OR4C16: variants seen among roughly 807,000 people sequenced by gnomAD.
OR4C16 encodes the protein olfactory receptor 4C16.
In OR4C16, 24 loss-of-function variants were observed where a neutral mutation model predicts 14.4. The ratio of observed to expected loss-of-function variants is 1.66; its 90% CI spans 1.21 to 2.34. The LOEUF is 2.34. OR4C16 is among the 30% of genes most tolerant of loss of function. The pLI is 0.00. For synonymous variants in OR4C16, 233 were observed against 133.5 expected (o/e 1.75, Z -5.14); for missense variants, 674 against 364.2 (o/e 1.85, Z -6.92).
At position 55,573,016 on chromosome 11, in the gene OR4C16, A is replaced by G. The variant is rs780396479; in HGVS notation, c.889A>G (p.Arg297Gly). 2 of 1,587,124 alleles carry G rather than the reference A, an allele frequency of 1.3e-6. No homozygotes were observed. Among genetic ancestry groups the G allele is most frequent in the East Asian group, 4.5e-5 (2 of 44,448 alleles). ...GAATACAGAAGTGAAAAGTGCCATGAGGAAGCTTTGGAGCAAGAAATTGAT... is the reference window on the plus strand; with the variant it reads ...GAATACAGAAGTGAAAAGTGCCATGGGGAAGCTTTGGAGCAAGAAATTGAT... ...LKNTEVKSAM[R>G]KLWSKKLITD... The change falls in exon 1 of 1, where the codon AGG becomes GGG. Residue 297 changes from arginine to glycine, a missense_variant. By Grantham distance (125) the Arg-to-Gly change is moderately radical. Coordinates refer to ENST00000623907, the MANE Select transcript of OR4C16 (RefSeq NM_001004701.2).
rs1301272185 is a variant in OR4C16, at chr11:55,572,536, T to A, written c.409T>A (p.Trp137Arg). The A allele has an allele frequency of 1.2e-6, 2 of 1,614,056 alleles. No homozygotes were observed. The highest frequency in any genetic ancestry group is 1.7e-5 in the Admixed American group (1 of 60,012). The change falls in exon 1 of 1, where the codon TGG (tryptophan) becomes AGG (arginine). Residue 137 changes from tryptophan (W) to arginine (R), a missense_variant. By Grantham distance (101) the Trp-to-Arg change is moderately radical. Transcript: ENST00000623907. ...PLHYMTIISQ[W>R]VCGVLMAVAW... The stretch of plus-strand genomic sequence containing the variant: ...GCACTACATGACCATCATAAGCCAG[T>A]GGGTCTGTGGTGTTTTGATGGCTGT...
At position 55,572,395 on chromosome 11, in the gene OR4C16, A is replaced by G. The variant is rs762745633; in HGVS notation, c.268A>G (p.Ile90Val). 4 of 1,613,846 alleles carry G rather than the reference A, an allele frequency of 2.5e-6. No homozygotes were observed. The South Asian group carries it at 4.4e-5, about 18-fold the overall frequency. ...GGATGCCCTTTTGAAGAAGACAACTATCTCCTTCAGCGAGTGCATGATCCA... is the reference window on the plus strand; with the variant it reads ...GGATGCCCTTTTGAAGAAGACAACTGTCTCCTTCAGCGAGTGCATGATCCA... ...IVDALLKKTTISFSECMIQVF... is the reference protein window; with the variant it reads ...IVDALLKKTTVSFSECMIQVF... The change falls in exon 1 of 1, where the codon ATC (isoleucine) becomes GTC (valine). Residue 90 changes from isoleucine to valine, a missense_variant. Transcript: ENST00000623907.
chr11:55,572,897 C>G lies in OR4C16; in HGVS notation c.770C>G (p.Thr257Arg). The G allele has an allele frequency of 6.2e-7, 1 of 1,613,754 alleles. No individual in the cohort carries two copies. Among genetic ancestry groups the G allele is most frequent in the South Asian group, 1.1e-5 (1 of 91,064 alleles). The change falls in exon 1 of 1, where the codon ACA becomes AGA. Residue 257 changes from threonine to arginine, a missense_variant. Coordinates refer to ENST00000623907, the MANE Select transcript of OR4C16 (RefSeq NM_001004701.2). ...TTTGGACCTTGCATATTTATGTACA[C>G]ATGCCTTGCAACCGTATTCCCCATG... ...LFFGPCIFMY[T>R]CLATVFPMDK...
In OR4C16 at chr11:55,572,632, C is replaced by A. The variant is rs1857400524; in HGVS notation, c.505C>A (p.Pro169Thr). The stretch of plus-strand genomic sequence containing the variant: ...TGCCCTGAGTTTGCCATTCTGTGGC[C>A]CCAATGTGATCAATCACTGTTTCTG... ...FLALSLPFCG[P>T]NVINHCFCDL... Residue 169 changes from proline to threonine, a missense_variant, in exon 1 of 1, where the codon CCC becomes ACC. Physicochemically the swap from Pro to Thr is conservative, Grantham distance 38 (BLOSUM62 -1). Transcript: ENST00000623907. 1 of 1,613,996 alleles carries A rather than the reference C, an allele frequency of 6.2e-7. No homozygotes were observed. The highest frequency in any genetic ancestry group is 8.5e-7 in the Non-Finnish European group (1 of 1,180,016).
chr11:55,572,428 T>C lies in OR4C16; in HGVS notation c.301T>C (p.Ser101Pro), dbSNP rs769325547. The change falls in exon 1 of 1, where the codon TCA becomes CCA. Residue 101 changes from serine (S) to proline (P), a missense_variant. Physicochemically the swap from Ser to Pro is moderately conservative, Grantham distance 74. Coordinates refer to ENST00000623907, the MANE Select transcript of OR4C16 (RefSeq NM_001004701.2). ...CAGCGAGTGCATGATCCAAGTCTTT[T>C]CATCCCATGTCTTTGGCTGCCTGGA... ...SFSECMIQVF[S>P]SHVFGCLEIF... 3.1e-6 allele frequency: 5 copies of C among 1,614,056 alleles called. No homozygotes were observed. The East Asian group carries it at 6.7e-5, about 22-fold the overall frequency.
Position 55,572,918 on chromosome 11 carries a change from C to A in OR4C16, c.791C>A (p.Pro264His). ...FMYTCLATVF[P>H]MDKMIAVFYT... ...TACACATGCCTTGCAACCGTATTCC[C>A]CATGGATAAGATGATAGCTGTATTT... Residue 264 changes from proline to histidine, a missense_variant, in exon 1 of 1, where the codon CCC (proline) becomes CAC (histidine). Transcript: ENST00000623907. 1 of 1,613,474 alleles carries A rather than the reference C, an allele frequency of 6.2e-7. No homozygotes were observed. Among genetic ancestry groups the A allele is most frequent in the African/African-American group, 1.3e-5 (1 of 75,020 alleles).
Position 55,572,469 on chromosome 11 carries a change from C to G in OR4C16, c.342C>G (p.Ile114Met), listed in dbSNP as rs1457615865. Residue 114 changes from isoleucine to methionine, a missense_variant, in exon 1 of 1, where the codon ATC becomes ATG. Transcript: ENST00000623907. ...GCTGCCTGGAGATCTTCATCCTCAT[C>G]CTCACGGCTGTTGACCGCTATGTGG... is the stretch of plus-strand genomic sequence containing the variant. Reference protein sequence around the residue: ...VFGCLEIFILILTAVDRYVDI... With the variant: ...VFGCLEIFILMLTAVDRYVDI... The G allele has an allele frequency of 1.9e-6, 3 of 1,613,928 alleles. No homozygotes were observed. The East Asian group carries it at 6.7e-5, about 36-fold the overall frequency.
chr11:55,573,019 A>G lies in OR4C16; in HGVS notation c.892A>G (p.Lys298Glu). 1 of 1,584,384 alleles carries G rather than the reference A, an allele frequency of 6.3e-7. No individual in the cohort carries two copies. Among genetic ancestry groups the G allele is most frequent in the Non-Finnish European group, 8.6e-7 (1 of 1,163,148 alleles). The change falls in exon 1 of 1, where the codon AAG becomes GAG. Residue 298 changes from lysine (K) to glutamate (E), a missense_variant. Transcript: ENST00000623907. ...TACAGAAGTGAAAAGTGCCATGAGG[A>G]AGCTTTGGAGCAAGAAATTGATCAC... Reference protein sequence around the residue: ...KNTEVKSAMRKLWSKKLITDD... With the variant: ...KNTEVKSAMRELWSKKLITDD...
Position 55,572,355 on chromosome 11 carries a change from C to T in OR4C16, c.228C>T (p.Thr76=), listed in dbSNP as rs760011000. The change falls in exon 1 of 1, where the codon ACC becomes ACT. Residue 76 remains threonine, a synonymous_variant. Coordinates refer to ENST00000623907, the MANE Select transcript of OR4C16 (RefSeq NM_001004701.2). ...ATACTTGCCTCTCTACTTCCATAACCCCTAGAATGATTGTGGATGCCCTTT... is the reference window on the plus strand; with the variant it reads ...ATACTTGCCTCTCTACTTCCATAACTCCTAGAATGATTGTGGATGCCCTTT... The part of the protein sequence containing the change: ...LSDTCLSTSI[T]PRMIVDALLK... 1.9e-6 allele frequency: 3 copies of T among 1,612,956 alleles called. No individual in the cohort carries two copies. Among genetic ancestry groups the T allele is most frequent in the Non-Finnish European group, 2.5e-6 (3 of 1,179,132 alleles).
At position 55,572,539 on chromosome 11, in the gene OR4C16, G is replaced by A. The variant is rs763501264; in HGVS notation, c.412G>A (p.Val138Ile). ...CTACATGACCATCATAAGCCAGTGG[G>A]TCTGTGGTGTTTTGATGGCTGTGGC... ...LHYMTIISQW[V>I]CGVLMAVAWV... The change falls in exon 1 of 1, where the codon GTC becomes ATC. Residue 138 changes from valine to isoleucine, a missense_variant. Physicochemically the swap from Val to Ile is conservative, Grantham distance 29. Transcript: ENST00000623907. 2 of 1,614,116 alleles carry A rather than the reference G, an allele frequency of 1.2e-6. No homozygotes were observed. Among genetic ancestry groups the A allele is most frequent in the Non-Finnish European group, 1.7e-6 (2 of 1,180,014 alleles).
chr11:55,572,447 G>T lies in OR4C16; in HGVS notation c.320G>T (p.Cys107Phe). The T allele has an allele frequency of 4.3e-6, 7 of 1,614,044 alleles. No homozygotes were observed. Among genetic ancestry groups the T allele is most frequent in the Non-Finnish European group, 5.9e-6 (7 of 1,179,996 alleles). Residue 107 changes from cysteine (C) to phenylalanine (F), a missense_variant, in exon 1 of 1, where the codon TGC becomes TTC. Transcript: ENST00000623907. ...GTCTTTTCATCCCATGTCTTTGGCTGCCTGGAGATCTTCATCCTCATCCTC... is the reference window on the plus strand; with the variant it reads ...GTCTTTTCATCCCATGTCTTTGGCTTCCTGGAGATCTTCATCCTCATCCTC... ...IQVFSSHVFGCLEIFILILTA... is the reference protein window; with the variant it reads ...IQVFSSHVFGFLEIFILILTA...
Position 55,572,206 on chromosome 11 carries a change from G to T in OR4C16, c.79G>T (p.Val27Phe). 1.2e-6 allele frequency: 2 copies of T among 1,611,548 alleles called. No individual in the cohort carries two copies. The highest frequency in any genetic ancestry group is 1.7e-6 in the Non-Finnish European group (2 of 1,177,980). The change falls in exon 1 of 1, where the codon GTT becomes TTT. Residue 27 changes from valine (V) to phenylalanine (F), a missense_variant. Val to Phe is a conservative substitution (Grantham distance 50). Coordinates refer to ENST00000623907, the MANE Select transcript of OR4C16 (RefSeq NM_001004701.2). ...TCCTTTTTGGAAGAAAATAGTGTTT[G>T]TTATTTTTTTGCGTCTCTACTTGGG... ...QDPFWKKIVF[V>F]IFLRLYLGTL... is the part of the protein sequence containing the mutation.
In OR4C16 at chr11:55,572,697, C is replaced by G. The variant is rs769009707; in HGVS notation, c.570C>G (p.Thr190=). The G allele has an allele frequency of 8.1e-6, 13 of 1,613,786 alleles. No individual in the cohort carries two copies. The highest frequency in any genetic ancestry group is 1.7e-5 in the Admixed American group (1 of 59,992). The change falls in exon 1 of 1, where the codon ACC becomes ACG. Residue 190 remains threonine (T), a synonymous_variant. Coordinates refer to ENST00000623907, the MANE Select transcript of OR4C16 (RefSeq NM_001004701.2). ...QPLLKQACSE[T]YVVNLLLVSN... The stretch of plus-strand genomic sequence containing the variant: ...TGTTGAAACAAGCCTGTTCAGAAAC[C>G]TATGTGGTTAACCTACTCCTGGTTT...
Position 55,573,010 on chromosome 11 carries a change from GC to G in OR4C16, c.885del (p.Met296Ter), listed in dbSNP as rs1339097606. ...YTLKNTEVKS[A>X]MRKLWSKKLI... is the part of the protein sequence containing the mutation. ...GCTGAAGAATACAGAAGTGAAAAGTGCCATGAGGAAGCTTTGGAGCAAGAAA... is the reference window on the plus strand; with the variant it reads ...GCTGAAGAATACAGAAGTGAAAAGTGCATGAGGAAGCTTTGGAGCAAGAAA... On this transcript the variant is annotated frameshift_variant, in exon 1 of 1. Transcript: ENST00000623907. LOFTEE classifies it high-confidence loss of function. 3 of 1,589,828 alleles carry G rather than the reference GC, an allele frequency of 1.9e-6. No homozygotes were observed. Among genetic ancestry groups the G allele is most frequent in the Non-Finnish European group, 2.6e-6 (3 of 1,166,478 alleles).
At position 55,572,960 on chromosome 11, in the gene OR4C16, C is replaced by T. The variant is rs747625052; in HGVS notation, c.833C>T (p.Ser278Phe). The T allele has an allele frequency of 1.2e-5, 19 of 1,612,840 alleles. No homozygotes were observed. The highest frequency in any genetic ancestry group is 1.4e-5 in the Non-Finnish European group (17 of 1,179,520). ...GCTGTATTTTATACAGTTGGAACAT[C>T]TTTTCTCAACCCTGTGATTTACACG... is the stretch of plus-strand genomic sequence containing the variant. ...MIAVFYTVGT[S>F]FLNPVIYTLK... Residue 278 changes from serine to phenylalanine, a missense_variant, in exon 1 of 1, where the codon TCT (serine) becomes TTT (phenylalanine). Physicochemically the swap from Ser to Phe is radical, Grantham distance 155. Transcript: ENST00000623907.
At position 55,572,864 on chromosome 11, in the gene OR4C16, T is replaced by G; in HGVS notation, c.737T>G (p.Ile246Ser). Residue 246 changes from isoleucine (I) to serine (S), a missense_variant, in exon 1 of 1, where the codon ATC (isoleucine) becomes AGC (serine). Ile to Ser is a moderately radical substitution (Grantham distance 142, BLOSUM62 -2). Coordinates refer to ENST00000623907, the MANE Select transcript of OR4C16 (RefSeq NM_001004701.2). ...TGTGTCTCCCACATCATTGTGGTCA[T>G]CTTGTTCTTTGGACCTTGCATATTT... The part of the protein sequence containing the change: ...STCVSHIIVV[I>S]LFFGPCIFMY... 6.2e-7 allele frequency: 1 copy of G among 1,613,884 alleles called. No individual in the cohort carries two copies. The highest frequency in any genetic ancestry group is 1.3e-5 in the African/African-American group (1 of 75,054).
rs762366474 is a variant in OR4C16, at chr11:55,572,491, G to A, written c.364G>A (p.Val122Met). ...ILILTAVDRY[V>M]DICKPLHYMT... ...CATCCTCACGGCTGTTGACCGCTATGTGGACATCTGTAAGCCCCTGCACTA... is the reference window on the plus strand; with the variant it reads ...CATCCTCACGGCTGTTGACCGCTATATGGACATCTGTAAGCCCCTGCACTA... Residue 122 changes from valine to methionine, a missense_variant, in exon 1 of 1, where the codon GTG (valine) becomes ATG (methionine). Coordinates refer to ENST00000623907, the MANE Select transcript of OR4C16 (RefSeq NM_001004701.2). 8 of 1,613,994 alleles carry A rather than the reference G, an allele frequency of 5.0e-6. No individual in the cohort carries two copies. The highest frequency in any genetic ancestry group is 6.8e-6 in the Non-Finnish European group (8 of 1,180,016).
Position 55,572,163 on chromosome 11 carries a change from G to T in OR4C16, c.36G>T (p.Leu12=). 6.8e-6 allele frequency: 11 copies of T among 1,611,262 alleles called. No homozygotes were observed. The highest frequency in any genetic ancestry group is 9.3e-6 in the Non-Finnish European group (11 of 1,178,248). Reference sequence around the variant, plus strand: ...ATAATAATGTGACTGAGTTCATTCTGCTTGGATTGACACAGGATCCTTTTT... The same window carrying T: ...ATAATAATGTGACTGAGTTCATTCTTCTTGGATTGACACAGGATCCTTTTT... ...QLNNNVTEFI[L]LGLTQDPFWK... is the part of the protein sequence containing the mutation. Residue 12 remains leucine (L), a synonymous_variant, in exon 1 of 1, where the codon CTG becomes CTT. Coordinates refer to ENST00000623907, the MANE Select transcript of OR4C16 (RefSeq NM_001004701.2).
rs777270055 is a variant in OR4C16 at position 55,572,266 on chromosome 11, GT to G, written c.140del (p.Val47AlafsTer29). The G allele has an allele frequency of 1.7e-5, 27 of 1,612,946 alleles. No individual in the cohort carries two copies. The highest frequency in any genetic ancestry group is 2.3e-5 in the Non-Finnish European group (27 of 1,179,236). ...LLGNLLIIISVKTSQALKNPM... is the reference protein window; with the variant it reads ...LLGNLLIIISXKTSQALKNPM... ...GGGTAATTTGCTAATCATTATTAGT[GT>G]CAAGACCAGCCAGGCACTTAAGAAC... On this transcript the variant is annotated frameshift_variant, in exon 1 of 1. Transcript: ENST00000623907. LOFTEE classifies it high-confidence loss of function.
Sources: gnomAD v4.1 joint callset for allele counts on GRCh38, gnomAD v4.1.1 for gene constraint, MANE v1.5 for transcripts, NCBI Gene and HGNC (gene_info 2026-07-23, HGNC 2026-07-21) for gene names.